The following POU6F2 variants were observed in gnomAD, a reference collection of about 807,000 sequenced individuals.
The protein encoded by POU6F2 is POU class 6 homeobox 2.
In POU6F2, 31 loss-of-function variants were observed where a neutral mutation model predicts 71.3. The ratio of observed to expected loss-of-function variants is 0.43; its 90% CI spans 0.33 to 0.59. POU6F2 has a LOEUF of 0.59. Ranked by LOEUF, POU6F2 falls within the 20% of genes least tolerant of loss-of-function variation. The probability of loss-of-function intolerance (pLI) is 0.04; values close to 1 mark genes in which losing one functional copy is unlikely to be tolerated. For synonymous variants in POU6F2, 347 were observed against 355.7 expected, an observed-to-expected ratio of 0.98 and a Z score of 0.27; for missense variants, 783 against 856.8, an observed-to-expected ratio of 0.91 and a Z score of 1.07.
At chr7:39,279,182 C>T (rs1383620411) in intron 4 of POU6F2, among the ~76,000 whole-genome samples, 1 of 152,138 alleles carries the variant, frequency 6.6e-6, no homozygotes, top group African/African-American at 2.4e-5. Context: ...TCACTCAGAA[C>T]TTCTGATCCC....
chr7:39,074,379 C>T (rs1161624726), intron 1 of POU6F2, among the ~76,000 whole-genome samples: 1 of 151,866 alleles, frequency 6.6e-6, no homozygotes, highest in Non-Finnish European at 1.5e-5. Context: ...ACTTGGGAGG[C>T]TGAGGCAGGA....
chr7:38,986,185 C>T (rs1414934325), intron 1 of POU6F2, among the ~76,000 whole-genome samples: 1 of 152,206 alleles, frequency 6.6e-6, no homozygotes, highest in South Asian at 2.1e-4. Flanking sequence ...ACTTAAAATA[C>T]TCCTCTCAAC....
At chr7:39,133,644 A>G (rs894283501) in intron 2 of POU6F2, among the ~76,000 whole-genome samples, 3 of 152,238 alleles carry the variant, frequency 2.0e-5, no homozygotes, top group African/African-American at 7.2e-5. Flanking sequence ...AGTAGAATGT[A>G]AACTCCATGA....
chr7:39,190,446 A>AAAG (rs1793639817), intron 2 of POU6F2, among the ~76,000 whole-genome samples: 1 of 130,540 alleles, frequency 7.7e-6, no homozygotes, highest in South Asian at 2.8e-4. Flanking sequence ...AAAAAAAAAA[A>AAAG]GGTTTGAGTC....
At chr7:39,142,523 G>T (rs901678103) in intron 2 of POU6F2, among the ~76,000 whole-genome samples, 2 of 152,180 alleles carry the variant, frequency 1.3e-5, no homozygotes, top group Admixed American at 6.5e-5. Context: ...GGTAAGAGCT[G>T]CTTTTTGGGA....
intron 2 of POU6F2, among the ~76,000 whole-genome samples, chr7:39,167,453 C>A (rs1190765997): frequency 2.6e-5 from 4 of 151,952 alleles, no homozygotes; most frequent in Non-Finnish European, 1.5e-5. Context: ...TATTAATTTA[C>A]CTGTACAATA....
chr7:39,040,056 T>TATATACACACACACACA (rs1790151118), intron 1 of POU6F2, among the ~76,000 whole-genome samples: 1 of 8,938 alleles, frequency 1.1e-4, no homozygotes, highest in Non-Finnish European at 1.9e-4. Flanking sequence ...ATTTTTCCTT[T>TATATACACACACACACA]TAAAGTTTAT....
At chr7:39,254,968 A>G (rs1226078564) in intron 4 of POU6F2, among the ~76,000 whole-genome samples, 1 of 152,226 alleles carries the variant, frequency 6.6e-6, no homozygotes, top group African/African-American at 2.4e-5. Context: ...AACAATACAG[A>G]TTAATCTAAG....
intron 2 of POU6F2, among the ~76,000 whole-genome samples, chr7:39,104,270 A>G (rs983685930): frequency 2.0e-5 from 3 of 152,250 alleles, no homozygotes; most frequent in African/African-American, 4.8e-5. Flanking sequence ...AGAGGTTTAC[A>G]TGATGACAAC....
intron 4 of POU6F2, among the ~76,000 whole-genome samples, chr7:39,299,022 G>A (rs1784904336): frequency 1.3e-5 from 2 of 152,206 alleles, no homozygotes; most frequent in South Asian, 4.2e-4. Context: ...GGGGAGTAAG[G>A]GGAGGGAGAG....
chr7:39,303,108 C>T (rs545285910), intron 4 of POU6F2, among the ~76,000 whole-genome samples: 1 of 152,312 alleles, frequency 6.6e-6, no homozygotes, highest in South Asian at 2.1e-4. Flanking sequence ...GTAGCACAGA[C>T]ATAGCTGTCA....
intron 4 of POU6F2, among the ~76,000 whole-genome samples, chr7:39,334,460 G>A (rs946787062): frequency 6.6e-6 from 1 of 151,278 alleles, no homozygotes; most frequent in Non-Finnish European, 1.5e-5. Flanking sequence ...ATACACAATC[G>A]ACTCACGTAA....
chr7:39,018,785 C>A (rs1189839637), intron 1 of POU6F2, among the ~76,000 whole-genome samples: 1 of 152,088 alleles, frequency 6.6e-6, no homozygotes, highest in East Asian at 1.9e-4. Flanking sequence ...AGTAGAAATA[C>A]AACGAGTAAA....
chr7:39,136,183 C>T (rs1467360873), intron 2 of POU6F2, among the ~76,000 whole-genome samples: 2 of 152,072 alleles, frequency 1.3e-5, no homozygotes, highest in Non-Finnish European at 2.9e-5. Context: ...ACAATTTTCA[C>T]ATAATTCCAA....
intron 2 of POU6F2, among the ~76,000 whole-genome samples, chr7:39,196,268 GTCTC>G (rs996772770): frequency 5.9e-5 from 9 of 152,102 alleles, no homozygotes; most frequent in Admixed American, 5.9e-4. Context: ...TTCATACCTT[GTCTC>G]TCTATTATCA....
chr7:39,214,803 G>A (rs1242547517), intron 4 of POU6F2, among the ~76,000 whole-genome samples: 1 of 152,192 alleles, frequency 6.6e-6, no homozygotes. Context: ...CAATAGCTCT[G>A]TCTGTTCAAT....
chr7:39,438,237 G>A lies in POU6F2; in HGVS notation c.1320+4954G>A, dbSNP rs375497349. On this transcript the variant is annotated intron_variant, in intron 7 of 9. Coordinates refer to ENST00000518318, the MANE Select transcript of POU6F2 (RefSeq NM_001370959.1). ...TTGTGATAGTTTGCTGAGAATGATG[G>A]TTTCCAGCTTCATCCATGTCCCTAC... Among the ~76,000 whole-genome samples the A allele has an allele frequency of 5.3e-5, 8 of 152,158 alleles. No individual in the cohort carries two copies. In the East Asian group the frequency reaches 1.4e-3, roughly 26 times the overall value.
intron 3 of POU6F2, among the ~76,000 whole-genome samples, chr7:39,205,049 A>G (rs1363159167): frequency 1.3e-5 from 2 of 151,860 alleles, no homozygotes; most frequent in South Asian, 2.1e-4. Flanking sequence ...GACTTTAAGC[A>G]CATTGAGGGC....
intron 2 of POU6F2, among the ~76,000 whole-genome samples, chr7:39,140,491 G>A (rs914448104): frequency 6.6e-6 from 1 of 152,180 alleles, no homozygotes; most frequent in African/African-American, 2.4e-5. Flanking sequence ...AGGGACTCTA[G>A]GGGACAATCT....
Sources: gnomAD v4.1 joint callset for allele counts (sites outside exome capture counted in the v4.1 genomes callset) on GRCh38, gnomAD v4.1.1 for gene constraint, MANE v1.5 for transcripts, NCBI Gene and HGNC (gene_info 2026-07-23, HGNC 2026-07-21) for gene names.